LPP: variants seen among roughly 807,000 people sequenced by gnomAD.
LPP encodes the protein lipoma-preferred partner.
Under a neutral mutation model 60.4 loss-of-function variants are expected in LPP, and 38 were observed. The observed-to-expected ratio is 0.63, with a 90% CI of 0.49 to 0.83. LPP has a LOEUF of 0.83. Among genes scored for constraint, LPP ranks in the 40% least tolerant of loss-of-function variants. LPP has a pLI of 0.00. For missense variants in LPP, 902 were observed against 783.6 expected (o/e 1.15, Z -1.80); for synonymous variants, 328 against 290.8 (o/e 1.13, Z -1.30).
rs145003402 is a variant in LPP at position 188,298,490 on chromosome 3, G to A, written c.-66-43173G>A. 1.6e-3 allele frequency among the ~76,000 whole-genome samples: 242 copies of A among 152,250 alleles called. 3 individuals carry two copies. Among genetic ancestry groups the A allele is most frequent in the African/African-American group, 5.0e-3 (206 of 41,538 alleles). On this transcript the variant is annotated intron_variant, in intron 2 of 11. Transcript: ENST00000617246. ...TAAGTCTGTGGATAAGACTCACTTA[G>A]GGAGGTTTTACCAGAATTCAGCTCA...
chr3:188,721,261 T>A (rs1716254099), intron 8 of LPP, among the ~76,000 whole-genome samples: 1 of 152,118 alleles, frequency 6.6e-6, no homozygotes, highest in Admixed American at 6.5e-5. Context: ...ATTTAAATTT[T>A]AAAAATACGG....
intron 9 of LPP, among the ~76,000 whole-genome samples, chr3:188,773,066 A>G (rs1513180): frequency 0.35 from 53,771 of 152,046 alleles, 9,903 homozygotes; most frequent in Middle Eastern, 0.44. Flanking sequence ...AAGAGCTACT[A>G]CACTCAAGGT....
chr3:188,720,837 G>A (rs1716075732), intron 8 of LPP, among the ~76,000 whole-genome samples: 1 of 152,162 alleles, frequency 6.6e-6, no homozygotes, highest in Non-Finnish European at 1.5e-5. Flanking sequence ...CTGGCAGTGA[G>A]CATCATTTGT....
At chr3:188,538,917 G>T (rs919230363) in intron 6 of LPP, among the ~76,000 whole-genome samples, 2 of 152,098 alleles carry the variant, frequency 1.3e-5, no homozygotes, top group African/African-American at 4.8e-5. Flanking sequence ...CTATACGAAA[G>T]AAACCAGACA....
At chr3:188,191,809 CTG>C (rs1440590779) in intron 1 of LPP, among the ~76,000 whole-genome samples, 1 of 152,200 alleles carries the variant, frequency 6.6e-6, no homozygotes, top group African/African-American at 2.4e-5. Context: ...CAGTTAATAT[CTG>C]TTCTGTTCCC....
intron 8 of LPP, chr3:188,746,444 G>A (rs777530964): frequency 2.2e-6 from 1 of 461,552 alleles, no homozygotes. Context: ...CAGAAATAAA[G>A]CAAGCTGTAT....
chr3:188,869,045 A>C lies in LPP; in HGVS notation c.1589+2667A>C, dbSNP rs1395251110. Among the ~76,000 whole-genome samples the C allele has an allele frequency of 2.6e-5, 4 of 152,302 alleles. No homozygotes were observed. In the East Asian group the frequency reaches 7.7e-4, roughly 29 times the overall value. ...CAGATCACCTGGCTCTGTGGTCAGA[A>C]TAGGCTTTGTGGACGGAGAATGTCA... On this transcript the variant is annotated intron_variant, in intron 10 of 11. Coordinates refer to ENST00000617246, the MANE Select transcript of LPP (RefSeq NM_001375462.1).
intron 8 of LPP, among the ~76,000 whole-genome samples, chr3:188,716,175 C>T (rs1713912233): frequency 6.6e-6 from 1 of 152,070 alleles, no homozygotes; most frequent in Non-Finnish European, 1.5e-5. Flanking sequence ...TGCAGAAAAC[C>T]AGGAGTTTGT....
chr3:188,236,201 A>G (rs955008889), intron 2 of LPP, among the ~76,000 whole-genome samples: 1 of 152,242 alleles, frequency 6.6e-6, no homozygotes. Flanking sequence ...AGCCGCAATT[A>G]CATTTACACC....
chr3:188,286,518 G>A (rs1186807627), intron 2 of LPP, among the ~76,000 whole-genome samples: 1 of 152,100 alleles, frequency 6.6e-6, no homozygotes, highest in Admixed American at 6.6e-5. Context: ...TATTTTCTCT[G>A]TTACTGCTTT....
At chr3:188,257,474 A>G (rs1732044116) in intron 2 of LPP, among the ~76,000 whole-genome samples, 2 of 152,208 alleles carry the variant, frequency 1.3e-5, no homozygotes, top group African/African-American at 2.4e-5. Context: ...GCCAGTTTGT[A>G]TTTGCTGAAA....
chr3:188,505,663 C>T (rs530693235), intron 5 of LPP, among the ~76,000 whole-genome samples: 1 of 152,274 alleles, frequency 6.6e-6, no homozygotes, highest in East Asian at 1.9e-4. Context: ...CCAACTAAAT[C>T]GTGTTCATTG....
chr3:188,426,868 T>G (rs574674848), intron 4 of LPP, among the ~76,000 whole-genome samples: 27 of 152,356 alleles, frequency 1.8e-4, no homozygotes, highest in Admixed American at 3.3e-4. Context: ...ATGGATCTCT[T>G]GAATACAGCA....
intron 1 of LPP, among the ~76,000 whole-genome samples, chr3:188,178,190 A>G (rs1723645238): frequency 6.6e-6 from 1 of 152,104 alleles, no homozygotes; most frequent in Non-Finnish European, 1.5e-5. Flanking sequence ...GAATCAGCCA[A>G]TTTCACAGAT....
At chr3:188,158,527 G>A (rs1274035520) in intron 1 of LPP, among the ~76,000 whole-genome samples, 1 of 152,196 alleles carries the variant, frequency 6.6e-6, no homozygotes, top group Non-Finnish European at 1.5e-5. Context: ...TGTAGGTAGT[G>A]TAGGGATTAA....
intron 9 of LPP, among the ~76,000 whole-genome samples, chr3:188,854,341 A>G (rs74440591): frequency 0.016 from 2,375 of 152,320 alleles, 16 homozygotes; most frequent in Non-Finnish European, 0.024. Context: ...GTTTAAGGGA[A>G]GCAAATTACT....
At chr3:188,827,107 A>G (rs1192662544) in intron 9 of LPP, among the ~76,000 whole-genome samples, 1 of 152,164 alleles carries the variant, frequency 6.6e-6, no homozygotes, top group Non-Finnish European at 1.5e-5. Context: ...ATATTAATGG[A>G]ATGGATTATT....
At chr3:188,567,471 G>T (rs1316861740) in intron 6 of LPP, among the ~76,000 whole-genome samples, 1 of 151,602 alleles carries the variant, frequency 6.6e-6, no homozygotes, top group African/African-American at 2.4e-5. Flanking sequence ...ACACCTGTTG[G>T]TTCTTTGTTA....
chr3:188,424,839 T>C (rs1788846836), intron 4 of LPP, among the ~76,000 whole-genome samples: 1 of 152,152 alleles, frequency 6.6e-6, no homozygotes, highest in South Asian at 2.1e-4. Context: ...TTAAGGAGAT[T>C]TTGGGTTGAG....
Sources: allele counts gnomAD v4.1 joint callset (sites outside exome capture counted in the v4.1 genomes callset), GRCh38; gene constraint gnomAD v4.1.1; transcripts MANE v1.5; gene names NCBI Gene and HGNC (gene_info 2026-07-23, HGNC 2026-07-21).